DBH: variants seen among roughly 807,000 people sequenced by gnomAD.
DBH encodes the protein dopamine beta-hydroxylase (dopamine beta-monooxygenase).
Under a neutral mutation model 64.0 loss-of-function variants are expected in DBH, and 49 were observed. The observed-to-expected ratio is 0.77, with a 90% CI of 0.61 to 0.97. The LOEUF (loss-of-function observed/expected upper bound fraction) is 0.97. Ranked by LOEUF, DBH falls within the 50% of genes least tolerant of loss-of-function variation. The pLI, the probability that DBH is intolerant of heterozygous loss-of-function variation, is 0.00. For missense variants in DBH, 828 were observed against 826.6 expected (o/e 1.00, Z -0.02); for synonymous variants, 343 against 347.1 (o/e 0.99, Z 0.13).
In DBH at chr9:133,643,333, CG is replaced by C; in HGVS notation, c.745-78del. The C allele has an allele frequency of 4.8e-6, 7 of 1,455,136 alleles. No homozygotes were observed. The allele number at this position is 1,455,136 out of a possible 1,614,324, so 90.1% of individuals were successfully genotyped here. A position where few individuals can be genotyped will look rare whatever the true frequency, so the allele number is the denominator to read the frequency against. ...CCCTCCCATTTTACAGATGGGCATT[CG>C]GAAGCCCATGGAGGAGGGCTGCTGG... On this transcript the variant is annotated intron_variant, in intron 3 of 11. Transcript: ENST00000393056. This position sits in a 1 kb window ranked among gnomAD's most constrained non-coding sequence, Gnocchi z 5.3.
chr9:133,652,380 G>C, intron 8 of DBH, 96 bp downstream of exon 8: 1 of 1,462,674 alleles, frequency 6.8e-7, no homozygotes, highest in South Asian at 1.1e-5. Context: ...GACACAGAAA[G>C]TGATAGGGGG....
At chr9:133,657,368 A>G in intron 11 of DBH, 139 bp downstream of exon 11, 1 of 997,998 alleles carries the variant, frequency 1.0e-6, no homozygotes, top group Non-Finnish European at 1.5e-6. Flanking sequence ...CCAGGTGGTG[A>G]CACATAGGCC....
At chr9:133,651,489 C>A in intron 6 of DBH, 145 bp from the exon 7 acceptor site, 1 of 1,044,354 alleles carries the variant, frequency 9.6e-7, no homozygotes, top group Non-Finnish European at 1.4e-6. Flanking sequence ...TGGCTCTAAC[C>A]TGGCCGGGGA....
intron 1 of DBH, among the ~76,000 whole-genome samples, chr9:133,638,957 G>A (rs983475425): frequency 1.3e-5 from 2 of 152,114 alleles, no homozygotes; most frequent in African/African-American, 4.8e-5. Flanking sequence ...GAGACGGGGA[G>A]GGCAGAGGTC....
chr9:133,652,737 A>T (rs1219671052), intron 8 of DBH, among the ~76,000 whole-genome samples: 2 of 152,002 alleles, frequency 1.3e-5, no homozygotes, highest in African/African-American at 4.8e-5. Flanking sequence ...GGGTCACAGG[A>T]GCTGATGGTT....
In DBH at chr9:133,639,970, A is replaced by AC. The variant is rs768149947; in HGVS notation, c.468dup (p.Lys157GlnfsTer6). 22 of 1,613,790 alleles carry AC rather than the reference A, an allele frequency of 1.4e-5. No homozygotes were observed. The highest frequency in any genetic ancestry group is 1.9e-5 in the Non-Finnish European group (22 of 1,179,984). ...TTCAAGAGGCCCTTTGGCACCTGCG[A>AC]CCCCAAGGATTACCTCATTGAAGTA... On this transcript the variant is annotated frameshift_variant, in exon 2 of 12. Coordinates refer to ENST00000393056, the MANE Select transcript of DBH (RefSeq NM_000787.4). LOFTEE classifies it high-confidence loss of function.
Position 133,656,574 on chromosome 9 carries a change from C to A in DBH, c.1486C>A (p.Pro496Thr). Residue 496 changes from proline (P) to threonine (T), a missense_variant, in exon 10 of 12, where the codon CCC (proline) becomes ACC (threonine). By Grantham distance (38) the Pro-to-Thr change is conservative. Transcript: ENST00000393056. ...EMCVNYVHYYPQTQLELCKSA... is the reference protein window; with the variant it reads ...EMCVNYVHYYTQTQLELCKSA... Reference sequence around the variant, plus strand: ...GTGTGTCAACTACGTGCACTACTACCCCCAGACGCAGCTGGAGCTCTGCAA... The same window carrying A: ...GTGTGTCAACTACGTGCACTACTACACCCAGACGCAGCTGGAGCTCTGCAA... 2 of 1,613,898 alleles carry A rather than the reference C, an allele frequency of 1.2e-6. No homozygotes were observed. Among genetic ancestry groups the A allele is most frequent in the South Asian group, 1.1e-5 (1 of 91,080 alleles).
In DBH at chr9:133,658,853, C is replaced by T. The variant is rs1031052364; in HGVS notation, c.*406C>T. The T allele has an allele frequency of 5.7e-5, 9 of 157,732 alleles. No homozygotes were observed. Among genetic ancestry groups the T allele is most frequent in the Non-Finnish European group, 1.1e-4 (8 of 71,972 alleles). 9.8% of individuals were successfully genotyped at this position (157,732 alleles called of 1,614,324 possible). A position where few individuals can be genotyped will look rare whatever the true frequency, so the allele number is the denominator to read the frequency against. On this transcript the variant is annotated 3_prime_UTR_variant, in exon 12 of 12. Transcript: ENST00000393056. ...ACCGGGAACGCCCCCGCCCCCGCCC[C>T]GCTGCTCCCGGTGTGCAGCGGGTGC... is the stretch of plus-strand genomic sequence containing the variant.
chr9:133,644,069 C>T, intron 4 of DBH, 149 bp from the exon 5 acceptor site: 1 of 727,220 alleles, frequency 1.4e-6, no homozygotes, highest in Non-Finnish European at 2.5e-6. Flanking sequence ...TAATGAGCTG[C>T]CTGTCAGGAG....
rs1239434798 is a variant in DBH at position 133,658,862 on chromosome 9, C to CGGTGTGCA, written c.*417_*424dup. Reference sequence around the variant, plus strand: ...GCCCCCGCCCCCGCCCCGCTGCTCCCGGTGTGCAGCGGGTGCGGGTGCCGC... The same window carrying CGGTGTGCA: ...GCCCCCGCCCCCGCCCCGCTGCTCCCGGTGTGCAGGTGTGCAGCGGGTGCGGGTGCCGC... On this transcript the variant is annotated 3_prime_UTR_variant, in exon 12 of 12. Transcript: ENST00000393056. 6.4e-6 allele frequency: 1 copy of CGGTGTGCA among 156,376 alleles called. No homozygotes were observed. The highest frequency in any genetic ancestry group is 1.4e-5 in the Non-Finnish European group (1 of 71,072). 9.7% of individuals were successfully genotyped at this position (156,376 alleles called of 1,614,324 possible). A position where few individuals can be genotyped will look rare whatever the true frequency, so the allele number is the denominator to read the frequency against.
intron 10 of DBH, 54 bp from the exon 11 acceptor site, chr9:133,657,016 G>A: frequency 6.3e-7 from 1 of 1,599,642 alleles, no homozygotes; most frequent in East Asian, 2.2e-5. Flanking sequence ...GGTGCCCACT[G>A]GGCTCCCTGC....
rs151241181 is a variant in DBH, at chr9:133,641,545, C to A, written c.487-662C>A. Among the ~76,000 whole-genome samples the A allele has an allele frequency of 2.0e-5, 3 of 152,358 alleles. No homozygotes were observed. The East Asian group carries it at 5.8e-4, about 29-fold the overall frequency. On this transcript the variant is annotated intron_variant, in intron 2 of 11. Transcript: ENST00000393056. The stretch of plus-strand genomic sequence containing the variant: ...AATTAGCCACCCACACGGGTCTGCA[C>A]TGTGGAGTGCCCAGAAAGCTATGAA...
intron 9 of DBH, chr9:133,654,661 C>T (rs1359779666): frequency 1.3e-5 from 2 of 152,244 alleles, no homozygotes; most frequent in Admixed American, 1.3e-4. Context: ...CGGGTGCTTG[C>T]CACAGCTCAG....
chr9:133,657,461 A>T, intron 11 of DBH: 1 of 409,560 alleles, frequency 2.4e-6, no homozygotes, highest in Non-Finnish European at 4.4e-6. Flanking sequence ...GGAGAGAGGG[A>T]GAGGGAGAGA....
intron 1 of DBH, 36 bp from the exon 2 acceptor site, chr9:133,639,810 T>C: frequency 6.3e-7 from 1 of 1,598,756 alleles, no homozygotes; most frequent in Non-Finnish European, 8.5e-7. Flanking sequence ...CCGGCTTGGC[T>C]CCTTCATGCC....
At chr9:133,640,076 C>T in intron 2 of DBH, 84 bp downstream of exon 2, 1 of 1,559,170 alleles carries the variant, frequency 6.4e-7, no homozygotes. Context: ...AGTACCTTTC[C>T]TGTCCCTGAT....
intron 7 of DBH, 68 bp downstream of exon 7, chr9:133,651,845 T>C: frequency 4.4e-6 from 6 of 1,372,576 alleles, no homozygotes; most frequent in Non-Finnish European, 4.9e-6. Flanking sequence ...CTGGGTCTAC[T>C]GTTTCCTGAC....
Position 133,639,960 on chromosome 9 carries a change from G to T in DBH, c.454G>T (p.Gly152Cys). 1 of 1,613,956 alleles carries T rather than the reference G, an allele frequency of 6.2e-7. No homozygotes were observed. The highest frequency in any genetic ancestry group is 8.5e-7 in the Non-Finnish European group (1 of 1,179,988). The change falls in exon 2 of 12, where the codon GGC becomes TGC. Residue 152 changes from glycine (G) to cysteine (C), a missense_variant. Gly to Cys is a radical substitution (Grantham distance 159). Transcript: ENST00000393056. ...GLTLLFKRPF[G>C]TCDPKDYLIE... The stretch of plus-strand genomic sequence containing the variant: ...GACCCTGCTTTTCAAGAGGCCCTTT[G>T]GCACCTGCGACCCCAAGGATTACCT...
Position 133,659,086 on chromosome 9 carries a change from G to A in DBH, c.*639G>A, listed in dbSNP as rs1006787958. 6.6e-6 allele frequency: 1 copy of A among 152,232 alleles called. No individual in the cohort carries two copies. Among genetic ancestry groups the A allele is most frequent in the Non-Finnish European group, 1.5e-5 (1 of 68,086 alleles). The allele number at this position is 152,232 out of a possible 1,614,324, so 9.4% of individuals were successfully genotyped here. On this transcript the variant is annotated 3_prime_UTR_variant, in exon 12 of 12. Transcript: ENST00000393056. ...AGACGAGGCGGCAAAGATCCAGCGG[G>A]GCTTCTGGGCGCCGGTTCCACGTGG...
Sources: allele counts gnomAD v4.1 joint callset (sites outside exome capture counted in the v4.1 genomes callset), GRCh38; gene constraint gnomAD v4.1.1; non-coding constraint Gnocchi (gnomAD v3.1); transcripts MANE v1.5; gene names NCBI Gene and HGNC (gene_info 2026-07-23, HGNC 2026-07-21).